The following WRAP53 variants were observed in gnomAD, a reference collection of about 807,000 sequenced individuals.
WRAP53 encodes the protein WD repeat containing antisense to TP53.
Under a neutral mutation model 56.6 loss-of-function variants are expected in WRAP53, and 28 were observed. That is an observed-to-expected ratio of 0.50 (90% CI 0.37 to 0.68). WRAP53 has a LOEUF of 0.68. WRAP53 is among the 30% of genes least tolerant of loss of function. The probability of loss-of-function intolerance (pLI) is 0.00; values close to 1 mark genes in which losing one functional copy is unlikely to be tolerated. For synonymous variants in WRAP53, 283 were observed against 283.4 expected, an observed-to-expected ratio of 1.00 and a Z score of 0.01; for missense variants, 671 against 715.5, an observed-to-expected ratio of 0.94 and a Z score of 0.71.
At position 7,699,474 on chromosome 17, in the gene WRAP53, A is replaced by ATT. The variant is rs567360886; in HGVS notation, c.643-1265_643-1264dup. On this transcript the variant is annotated intron_variant, in intron 4 of 10. Transcript: ENST00000396463. ...TATATATATTTATATATATATATAT[A>ATT]TTTATATATATATATATATATATAT... Among the ~76,000 whole-genome samples, 38 of 24,768 alleles carry ATT rather than the reference A, an allele frequency of 1.5e-3. 4 individuals carry two copies. The highest frequency in any genetic ancestry group is 2.7e-3 in the South Asian group (2 of 738). The allele number at this position is 24,768 out of a possible 152,430, so 16.2% of individuals were successfully genotyped here.
In WRAP53 at chr17:7,702,336, C is replaced by T. The variant is rs192994436; in HGVS notation, c.956-8C>T. On this transcript the variant is annotated splice_polypyrimidine_tract_variant and splice_region_variant and intron_variant, in intron 7 of 10. Transcript: ENST00000396463. The surrounding 1 kb of genome is among the most constrained non-coding windows in gnomAD (Gnocchi z 5.0). ...CCCCCTCCCCCACTTTGTTCCTTCCCTCTCTAGCAAAAAAGCAGGGCCAGA... is the reference window on the plus strand; with the variant it reads ...CCCCCTCCCCCACTTTGTTCCTTCCTTCTCTAGCAAAAAAGCAGGGCCAGA... The T allele has an allele frequency of 2.7e-5, 43 of 1,614,108 alleles. No individual in the cohort carries two copies. In the Admixed American group the frequency reaches 6.8e-4, roughly 26 times the overall value.
Position 7,688,875 on chromosome 17 carries a change from C to G in WRAP53, c.227C>G (p.Ser76Cys), listed in dbSNP as rs757516049. Residue 76 changes from serine to cysteine, a missense_variant, in exon 2 of 11, where the codon TCC becomes TGC. By Grantham distance (112) the Ser-to-Cys change is moderately radical. Transcript: ENST00000396463. ...ELREGDPVSL[S>C]TPLETEFGSP... ...CGGGAGGGGGACCCAGTTTCTCTCT[C>G]CACTCCCCTGGAAACAGAGTTTGGT... is the stretch of plus-strand genomic sequence containing the variant. 2.5e-6 allele frequency: 4 copies of G among 1,614,196 alleles called. No individual in the cohort carries two copies. The highest frequency in any genetic ancestry group is 3.4e-6 in the Non-Finnish European group (4 of 1,180,032).
In WRAP53 at chr17:7,701,532, C is replaced by T. The variant is rs755512125; in HGVS notation, c.805C>T (p.Arg269Cys). 4.3e-6 allele frequency: 7 copies of T among 1,614,238 alleles called. No homozygotes were observed. The highest frequency in any genetic ancestry group is 1.7e-5 in the Admixed American group (1 of 60,026). ...AFTGELRASF[R>C]AYNHLDELTA... is the part of the protein sequence containing the mutation. Reference sequence around the variant, plus strand: ...CACTGGAGAGCTCCGGGCTTCCTTTCGCGCCTACAACCACCTGGTAGGGAC... The same window carrying T: ...CACTGGAGAGCTCCGGGCTTCCTTTTGCGCCTACAACCACCTGGTAGGGAC... Residue 269 changes from arginine (R) to cysteine (C), a missense_variant, in exon 6 of 11, where the codon CGC (arginine) becomes TGC (cysteine). Arg to Cys is a radical substitution (Grantham distance 180). This residue lies in a region of WRAP53 where 406 missense variants were observed against 418.5 expected (regional missense o/e 0.97). Transcript: ENST00000396463. The surrounding 1 kb of genome is among the most constrained non-coding windows in gnomAD (Gnocchi z 4.2).
In WRAP53 at chr17:7,702,574, C is replaced by T. The variant is rs1474133769; in HGVS notation, c.1164+22C>T. 6.2e-7 allele frequency: 1 copy of T among 1,602,766 alleles called. No individual in the cohort carries two copies. The highest frequency in any genetic ancestry group is 1.1e-5 in the South Asian group (1 of 90,600). On this transcript the variant is annotated intron_variant, in intron 8 of 10. Transcript: ENST00000396463. The surrounding 1 kb of genome is among the most constrained non-coding windows in gnomAD (Gnocchi z 5.0). ...CAAGGTAGGGGTCACACCCTGAGAG[C>T]CCAAAGCAGCTGGGCAGCGGGGCAG...
intron 4 of WRAP53, among the ~76,000 whole-genome samples, chr17:7,692,096 TC>T (rs2074118981): frequency 6.6e-6 from 1 of 151,240 alleles, no homozygotes; most frequent in Non-Finnish European, 1.5e-5. Flanking sequence ...CACCTTGGCC[TC>T]CCAAAGTGCT....
chr17:7,693,801 G>A (rs1397187227), intron 4 of WRAP53, among the ~76,000 whole-genome samples: 2 of 152,188 alleles, frequency 1.3e-5, no homozygotes, highest in African/African-American at 4.8e-5. Context: ...AGTAGTCACT[G>A]GTATCAGTTG....
intron 4 of WRAP53, among the ~76,000 whole-genome samples, chr17:7,699,014 C>G (rs564085229): frequency 4.7e-4 from 71 of 151,902 alleles, no homozygotes; most frequent in Admixed American, 1.3e-3. Context: ...GAGATGATTG[C>G]GCCACTGTGC....
chr17:7,688,589 C>T (rs1434471548), intron 1 of WRAP53, 28 bp downstream of exon 1: 11 of 1,591,292 alleles, frequency 6.9e-6, no homozygotes, highest in Non-Finnish European at 9.4e-6. Flanking sequence ...TGCGTCGGAT[C>T]CCTGAGAACT....
rs781719919 is a variant in WRAP53, at chr17:7,689,000, G to T, written c.352G>T (p.Ala118Ser). 5 of 1,614,056 alleles carry T rather than the reference G, an allele frequency of 3.1e-6. No homozygotes were observed. Among genetic ancestry groups the T allele is most frequent in the East Asian group, 4.5e-5 (2 of 44,902 alleles). ...EANGSLSEEEANGPELGSGKA... is the reference protein window; with the variant it reads ...EANGSLSEEESNGPELGSGKA... ...AAACGGGAGCCTTTCTGAAGAAGAA[G>T]CGAACGGGCCAGAGTTGGGGTCTGG... Residue 118 changes from alanine (A) to serine (S), a missense_variant, in exon 2 of 11, where the codon GCG (alanine) becomes TCG (serine). Transcript: ENST00000396463.
Position 7,689,106 on chromosome 17 carries a change from G to A in WRAP53, c.431+27G>A, listed in dbSNP as rs377757408. On this transcript the variant is annotated intron_variant, in intron 2 of 10. Transcript: ENST00000396463. ...TAAGTGGTGATGGCAGTGGAGTGTG[G>A]AGTCTGGGGAGATGAAGTGTGAGGT... The A allele has an allele frequency of 1.9e-6, 3 of 1,614,104 alleles. No individual in the cohort carries two copies. The South Asian group carries it at 3.3e-5, about 18-fold the overall frequency.
intron 4 of WRAP53, among the ~76,000 whole-genome samples, chr17:7,692,019 T>C (rs2151088116): frequency 6.6e-6 from 1 of 151,688 alleles, no homozygotes; most frequent in South Asian, 2.1e-4. Flanking sequence ...TTGTATTTTT[T>C]TAGTAGAGAT....
At chr17:7,688,002 A>C (rs2074037489), upstream of WRAP53, 1 of 173,444 alleles carries the variant, frequency 5.8e-6, no homozygotes, top group Admixed American at 6.3e-5. Context: ...GTACATGGAA[A>C]CGTAAGCCTT....
chr17:7,703,093 T>C lies in WRAP53; in HGVS notation c.1369T>C (p.Phe457Leu), dbSNP rs778763212. The C allele has an allele frequency of 1.2e-6, 2 of 1,613,834 alleles. No homozygotes were observed. Among genetic ancestry groups the C allele is most frequent in the Non-Finnish European group, 1.7e-6 (2 of 1,179,984 alleles). The stretch of plus-strand genomic sequence containing the variant: ...TGGGAAGCCGGAGCCCGTGTTGAGT[T>C]TTCTGCCCCAGAAGGACTGCACCAA... ...NDGKPEPVLS[F>L]LPQKDCTNGV... The change falls in exon 10 of 11, where the codon TTT (phenylalanine) becomes CTT (leucine). Residue 457 changes from phenylalanine (F) to leucine (L), a missense_variant. Transcript: ENST00000396463.
chr17:7,689,575 C>T lies in WRAP53; in HGVS notation c.531-15C>T. 1 of 1,612,032 alleles carries T rather than the reference C, an allele frequency of 6.2e-7. No individual in the cohort carries two copies. Among genetic ancestry groups the T allele is most frequent in the East Asian group, 2.2e-5 (1 of 44,870 alleles). Reference sequence around the variant, plus strand: ...CATAGGTCTGGCCAGCTTTCTAACTCTCCCCTGTTTCTAGGGCTCCTGACG... The same window carrying T: ...CATAGGTCTGGCCAGCTTTCTAACTTTCCCCTGTTTCTAGGGCTCCTGACG... On this transcript the variant is annotated splice_polypyrimidine_tract_variant and intron_variant, in intron 3 of 10. Coordinates refer to ENST00000396463, the MANE Select transcript of WRAP53 (RefSeq NM_001143992.2).
At chr17:7,692,072 C>G (rs1045457172) in intron 4 of WRAP53, among the ~76,000 whole-genome samples, 1 of 149,740 alleles carries the variant, frequency 6.7e-6, no homozygotes, top group African/African-American at 2.5e-5. Context: ...GAACTCCTGA[C>G]CTTGTGATCT....
intron 4 of WRAP53, among the ~76,000 whole-genome samples, chr17:7,696,227 G>A (rs1399636561): frequency 6.6e-6 from 1 of 151,760 alleles, no homozygotes; most frequent in African/African-American, 2.4e-5. Flanking sequence ...AAAGCCAGTG[G>A]GTTGAAAGTG....
At chr17:7,689,530 C>A in intron 3 of WRAP53, 60 bp from the exon 4 acceptor site, 1 of 1,538,940 alleles carries the variant, frequency 6.5e-7, no homozygotes, top group Non-Finnish European at 9.0e-7. Context: ...AGGCTCAGCC[C>A]TAGCCCTACA....
intron 4 of WRAP53, among the ~76,000 whole-genome samples, chr17:7,695,723 C>T (rs549789260): frequency 3.9e-5 from 6 of 152,292 alleles, no homozygotes; most frequent in Non-Finnish European, 7.4e-5. Context: ...AGCCAAAAGC[C>T]AGGGTCTCTC....
At position 7,689,327 on chromosome 17, in the gene WRAP53, G is replaced by C; in HGVS notation, c.530+5G>C. On this transcript the variant is annotated splice_donor_5th_base_variant and intron_variant, in intron 3 of 10. Coordinates refer to ENST00000396463, the MANE Select transcript of WRAP53 (RefSeq NM_001143992.2). ...CTTCTTGAAAGGCTGTAAGTGGTAAGGATAACAACGGGGCAGGGAGCTGAC... is the reference window on the plus strand; with the variant it reads ...CTTCTTGAAAGGCTGTAAGTGGTAACGATAACAACGGGGCAGGGAGCTGAC... 1 of 1,613,816 alleles carries C rather than the reference G, an allele frequency of 6.2e-7. No individual in the cohort carries two copies. Among genetic ancestry groups the C allele is most frequent in the Non-Finnish European group, 8.5e-7 (1 of 1,179,906 alleles).
Sources: gnomAD v4.1 joint callset for allele counts (sites outside exome capture counted in the v4.1 genomes callset) on GRCh38, gnomAD v4.1.1 for gene constraint, gnomAD v4.1.1 regional missense constraint, Gnocchi (gnomAD v3.1) non-coding constraint, MANE v1.5 for transcripts, NCBI Gene and HGNC (gene_info 2026-07-23, HGNC 2026-07-21) for gene names.